PHEX: variants seen among roughly 807,000 people sequenced by gnomAD.
PHEX encodes phosphate-regulating neutral endopeptidase PHEX.
A neutral mutation model predicts 68.0 loss-of-function variants in PHEX; 16 were observed. That is an observed-to-expected ratio of 0.24 (90% confidence interval 0.16 to 0.36). The LOEUF (loss-of-function observed/expected upper bound fraction) is 0.36. PHEX is among the 10% of genes least tolerant of loss of function. The pLI is 1.00. For synonymous variants in PHEX, 208 were observed against 205.1 expected, an observed-to-expected ratio of 1.01 and a Z score of -0.12; for missense variants, 480 against 575.5, an observed-to-expected ratio of 0.83 and a Z score of 1.70.
At chrX:22,246,929 T>TTG (rs375526343) in intron 21 of PHEX, among the ~76,000 whole-genome samples, 390 of 111,349 alleles carry the variant, frequency 3.5e-3, no homozygotes, top group Middle Eastern at 0.014. Flanking sequence ...GGGAAGTTTT[T>TTG]TGTGTGTGTG....
chrX:22,037,480 T>C (rs1927082268), intron 1 of PHEX, among the ~76,000 whole-genome samples: 1 of 112,034 alleles, frequency 8.9e-6, no homozygotes, highest in Non-Finnish European at 1.9e-5. Context: ...ACTTTTGAAA[T>C]CTTAAACTAA....
At position 22,033,077 on chromosome X, in the gene PHEX, C is replaced by T. The variant is rs1456105345; in HGVS notation, c.72C>T (p.Val24=). Residue 24 remains valine (V), a synonymous_variant, in exon 1 of 22, where the codon GTC becomes GTT. Coordinates refer to ENST00000379374, the MANE Select transcript of PHEX (RefSeq NM_000444.6). ...ACAGAGGCACTCGAATTGCCCTGGT[C>T]GTGTTTGTCGGTGGCACCCTAGTTC... The part of the protein sequence containing the change: ...KANRGTRIAL[V]VFVGGTLVLG... The T allele has an allele frequency of 8.3e-6, 10 of 1,207,443 alleles. No individual in the cohort carries two copies. Among genetic ancestry groups the T allele is most frequent in the African/African-American group, 1.8e-5 (1 of 56,798 alleles).
intron 14 of PHEX, among the ~76,000 whole-genome samples, chrX:22,184,012 C>A (rs936074302): frequency 9.0e-6 from 1 of 111,619 alleles, no homozygotes; most frequent in Non-Finnish European, 1.9e-5. Context: ...CAGGCTTAGG[C>A]AAACTGAGAT....
chrX:22,039,161 G>A (rs1927159508), intron 2 of PHEX, among the ~76,000 whole-genome samples: 2 of 111,906 alleles, frequency 1.8e-5, no homozygotes, highest in African/African-American at 6.5e-5. Flanking sequence ...TAGAGACGGA[G>A]TTTCACCTTG....
intron 3 of PHEX, among the ~76,000 whole-genome samples, chrX:22,059,040 G>C (rs909185383): frequency 1.3e-4 from 15 of 111,714 alleles, no homozygotes; most frequent in African/African-American, 4.9e-4. Context: ...CCTGACCTCA[G>C]GTTTTCCACC....
chrX:22,064,283 A>T (rs764723091), intron 3 of PHEX, among the ~76,000 whole-genome samples: 161 of 108,134 alleles, frequency 1.5e-3, no homozygotes, highest in African/African-American at 5.5e-3. Flanking sequence ...TTTTTTCTGA[A>T]CCTCTCCCCT....
At chrX:22,058,961 C>T (rs866590369) in intron 3 of PHEX, among the ~76,000 whole-genome samples, 14 of 111,588 alleles carry the variant, frequency 1.3e-4, no homozygotes, top group African/African-American at 4.6e-4. Flanking sequence ...CCTGCCACCA[C>T]GCCTGGCTAA....
chrX:22,205,845 G>A (rs1345327408), intron 15 of PHEX, among the ~76,000 whole-genome samples: 1 of 111,914 alleles, frequency 8.9e-6, no homozygotes, highest in Admixed American at 9.5e-5. Flanking sequence ...AATGAATGTA[G>A]GGAAAATGGA....
intron 13 of PHEX, among the ~76,000 whole-genome samples, chrX:22,170,156 A>G (rs112596496): frequency 0.045 from 5,034 of 112,267 alleles, 283 homozygotes; most frequent in African/African-American, 0.15. Context: ...GGAATTTAAT[A>G]CAGGAAATGG....
At chrX:22,234,234 C>T (rs1434032307) in intron 20 of PHEX, among the ~76,000 whole-genome samples, 2 of 112,515 alleles carry the variant, frequency 1.8e-5, no homozygotes, top group Non-Finnish European at 3.8e-5. Flanking sequence ...TCGGCCCCTA[C>T]CGGGAGGTGT....
chrX:22,032,734 T>C lies in PHEX; in HGVS notation c.-272T>C, dbSNP rs1926852291. ...AGAAGAGCCTGCCAAACAGGGACTTTGCTGAGGGAGAGCACCAAGATAAAG... is the reference window on the plus strand; with the variant it reads ...AGAAGAGCCTGCCAAACAGGGACTTCGCTGAGGGAGAGCACCAAGATAAAG... On this transcript the variant is annotated 5_prime_UTR_variant, in exon 1 of 22. Transcript: ENST00000379374. 6 of 360,109 alleles carry C rather than the reference T, an allele frequency of 1.7e-5. No individual in the cohort carries two copies. Among genetic ancestry groups the C allele is most frequent in the Non-Finnish European group, 2.9e-5 (6 of 204,346 alleles). 29.7% of individuals were successfully genotyped at this position (360,109 alleles called of 1,213,427 possible).
At chrX:22,136,627 C>T (rs1410323549) in intron 12 of PHEX, among the ~76,000 whole-genome samples, 1 of 111,941 alleles carries the variant, frequency 8.9e-6, no homozygotes, top group Non-Finnish European at 1.9e-5. Flanking sequence ...AAGTGTTAAC[C>T]TCAGCATTCC....
intron 20 of PHEX, among the ~76,000 whole-genome samples, chrX:22,245,052 C>T (rs1241636517): frequency 3.6e-5 from 4 of 111,906 alleles, no homozygotes; most frequent in East Asian, 5.6e-4. Flanking sequence ...ATACACTGGT[C>T]GATTCCTGGG....
intron 9 of PHEX, among the ~76,000 whole-genome samples, chrX:22,109,786 A>G (rs978541682): frequency 3.6e-5 from 4 of 112,153 alleles, no homozygotes; most frequent in Non-Finnish European, 7.5e-5. Context: ...TGCTTATAGA[A>G]AAAGGCAACC....
intron 12 of PHEX, among the ~76,000 whole-genome samples, chrX:22,164,718 T>C (rs1306140487): frequency 1.8e-5 from 2 of 112,556 alleles, no homozygotes; most frequent in Non-Finnish European, 3.7e-5. Context: ...TGGAATTCTT[T>C]ACTTGCTATA....
intron 12 of PHEX, among the ~76,000 whole-genome samples, chrX:22,156,950 T>G (rs2147107914): frequency 9.0e-6 from 1 of 111,351 alleles, no homozygotes; most frequent in Admixed American, 9.6e-5. Context: ...TGGCACAATC[T>G]TGGCTCACTG....
chrX:22,211,255 C>A (rs957122245), intron 15 of PHEX, among the ~76,000 whole-genome samples: 15 of 112,012 alleles, frequency 1.3e-4, no homozygotes, highest in African/African-American at 4.9e-4. Flanking sequence ...AATGTGGGGT[C>A]TCTTGTTCCA....
intron 3 of PHEX, among the ~76,000 whole-genome samples, chrX:22,060,017 T>C (rs185075475): frequency 7.1e-4 from 78 of 110,526 alleles, no homozygotes; most frequent in African/African-American, 2.5e-3. Flanking sequence ...ATTCTGGGCC[T>C]GGCAGTGTAC....
intron 11 of PHEX, among the ~76,000 whole-genome samples, chrX:22,118,580 G>A (rs1398160082): frequency 1.8e-5 from 2 of 110,466 alleles, no homozygotes; most frequent in Non-Finnish European, 3.8e-5. Flanking sequence ...TTTACTAAGA[G>A]ACTCCCGCCC....
Sources: gnomAD v4.1 joint callset for allele counts (sites outside exome capture counted in the v4.1 genomes callset) on GRCh38, gnomAD v4.1.1 for gene constraint, MANE v1.5 for transcripts, NCBI Gene and HGNC (gene_info 2026-07-23, HGNC 2026-07-21) for gene names.